The following GPC4 variants were observed in gnomAD, a reference collection of about 807,000 sequenced individuals.
GPC4 encodes glypican-4.
A neutral mutation model predicts 35.0 loss-of-function variants in GPC4; 10 were observed. The observed-to-expected ratio is 0.29, with a 90% confidence interval of 0.18 to 0.48. GPC4 has a LOEUF of 0.48. GPC4 is among the 20% of genes least tolerant of loss of function. The pLI is 0.99. For synonymous variants in GPC4, 167 were observed against 170.2 expected, an observed-to-expected ratio of 0.98 and a Z score of 0.15; for missense variants, 322 against 451.3, an observed-to-expected ratio of 0.71 and a Z score of 2.60.
intron 1 of GPC4, among the ~76,000 whole-genome samples, chrX:133,408,718 G>A (rs1211882517): frequency 1.8e-5 from 2 of 110,890 alleles, no homozygotes; most frequent in African/African-American, 6.6e-5. Context: ...GGCAACAAGA[G>A]CGAAACTCTG....
chrX:133,353,366 C>T (rs2068525242), intron 1 of GPC4, among the ~76,000 whole-genome samples: 1 of 112,025 alleles, frequency 8.9e-6, no homozygotes, highest in African/African-American at 3.2e-5. Flanking sequence ...GTCACAGGAC[C>T]TAAGAGAAAC....
At chrX:133,408,079 G>A (rs1006759264) in intron 1 of GPC4, among the ~76,000 whole-genome samples, 1 of 112,517 alleles carries the variant, frequency 8.9e-6, no homozygotes, top group Non-Finnish European at 1.9e-5. Flanking sequence ...AAATGCATCA[G>A]AACTTAAACA....
At chrX:133,325,103 A>G (rs1487601440) in intron 2 of GPC4, among the ~76,000 whole-genome samples, 1 of 111,249 alleles carries the variant, frequency 9.0e-6, no homozygotes, top group African/African-American at 3.3e-5. Flanking sequence ...AAAAAACATA[A>G]TCAAACACCC....
chrX:133,323,341 G>A (rs1406469098), intron 3 of GPC4, among the ~76,000 whole-genome samples: 3 of 111,375 alleles, frequency 2.7e-5, no homozygotes, highest in Non-Finnish European at 3.8e-5. Flanking sequence ...TTAGCCAGGC[G>A]TGCTGGCACA....
At chrX:133,402,996 G>A (rs1423285248) in intron 1 of GPC4, among the ~76,000 whole-genome samples, 2 of 109,690 alleles carry the variant, frequency 1.8e-5, no homozygotes, top group African/African-American at 3.3e-5. Context: ...GACAGCGTAA[G>A]AAGTAGCAAC....
rs551868526 is a variant in GPC4, at chrX:133,363,930, T to C, written c.161-24589A>G. The stretch of plus-strand genomic sequence containing the variant: ...TGTACATTTCACATAAAAAGATTCA[T>C]GCATATTGTAATCTTTCTGAACTGG... On this transcript the variant is annotated intron_variant, in intron 1 of 8. Coordinates refer to ENST00000370828, the MANE Select transcript of GPC4 (RefSeq NM_001448.3). Among the ~76,000 whole-genome samples, 20 of 112,382 alleles carry C rather than the reference T, an allele frequency of 1.8e-4. No individual in the cohort carries two copies. In the South Asian group the frequency reaches 7.1e-3, roughly 40 times the overall value.
intron 2 of GPC4, among the ~76,000 whole-genome samples, chrX:133,326,985 T>C (rs2068396886): frequency 8.9e-6 from 1 of 112,818 alleles, no homozygotes; most frequent in South Asian, 3.6e-4. Context: ...TGCGTTATTA[T>C]ATGACCAGTG....
At chrX:133,364,059 C>T (rs113840574) in intron 1 of GPC4, among the ~76,000 whole-genome samples, 7 of 111,863 alleles carry the variant, frequency 6.3e-5, no homozygotes, top group African/African-American at 2.3e-4. Context: ...CATGGGTATG[C>T]CACATTTTGT....
At chrX:133,375,153 C>A (rs1051115665) in intron 1 of GPC4, among the ~76,000 whole-genome samples, 8 of 111,791 alleles carry the variant, frequency 7.2e-5, no homozygotes, top group Admixed American at 1.9e-4. Context: ...TGAAATTCTG[C>A]CAACATTTGC....
chrX:133,351,824 C>A (rs902549581), intron 1 of GPC4, among the ~76,000 whole-genome samples: 7 of 112,196 alleles, frequency 6.2e-5, no homozygotes, highest in Non-Finnish European at 1.3e-4. Flanking sequence ...ACATTTTCCC[C>A]AAGTCTAAGT....
At chrX:133,350,592 C>G (rs747767203) in intron 1 of GPC4, among the ~76,000 whole-genome samples, 3 of 111,587 alleles carry the variant, frequency 2.7e-5, no homozygotes, top group Non-Finnish European at 3.8e-5. Context: ...TCCATGCAAA[C>G]CATTCCTCAA....
intron 2 of GPC4, among the ~76,000 whole-genome samples, chrX:133,335,119 C>T (rs1224587641): frequency 9.0e-6 from 1 of 111,229 alleles, no homozygotes; most frequent in African/African-American, 3.3e-5. Context: ...TCCCTAACTC[C>T]CTCCTGAATT....
intron 1 of GPC4, among the ~76,000 whole-genome samples, chrX:133,343,865 CT>C (rs371194052): frequency 2.7e-5 from 3 of 109,568 alleles, no homozygotes; most frequent in African/African-American, 6.6e-5. Flanking sequence ...TGTATTGGTT[CT>C]TTTTTTTTGA....
intron 3 of GPC4, among the ~76,000 whole-genome samples, chrX:133,320,660 A>C (rs1012314302): frequency 3.7e-5 from 4 of 108,540 alleles, no homozygotes; most frequent in Non-Finnish European, 7.6e-5. Context: ...AATTTCTCAA[A>C]GAATTTAACA....
intron 1 of GPC4, among the ~76,000 whole-genome samples, chrX:133,405,281 GC>G (rs1482308635): frequency 1.6e-4 from 18 of 110,175 alleles, no homozygotes; most frequent in African/African-American, 5.9e-4. Flanking sequence ...GCTAATTTTG[GC>G]ATTTTTAGTA....
intron 1 of GPC4, among the ~76,000 whole-genome samples, chrX:133,357,700 A>G (rs1019277396): frequency 9.0e-6 from 1 of 111,080 alleles, no homozygotes; most frequent in African/African-American, 3.3e-5. Flanking sequence ...GTTGCTTACC[A>G]ACTGTGCAAT....
At chrX:133,357,433 G>A (rs1361101005) in intron 1 of GPC4, among the ~76,000 whole-genome samples, 1 of 106,218 alleles carries the variant, frequency 9.4e-6, no homozygotes, top group Non-Finnish European at 1.9e-5. Context: ...TGTCACCCAC[G>A]CTGGAGTGCA....
At chrX:133,406,921 A>G (rs2068790675) in intron 1 of GPC4, among the ~76,000 whole-genome samples, 1 of 109,770 alleles carries the variant, frequency 9.1e-6, no homozygotes, top group Non-Finnish European at 1.9e-5. Flanking sequence ...CTAAACATAC[A>G]AAAAACCAGC....
At chrX:133,398,456 T>G (rs2068753884) in intron 1 of GPC4, among the ~76,000 whole-genome samples, 1 of 111,813 alleles carries the variant, frequency 8.9e-6, no homozygotes, top group Non-Finnish European at 1.9e-5. Context: ...ACTTTGAATT[T>G]CTGAACAAAC....
Sources: gnomAD v4.1 joint callset for allele counts (sites outside exome capture counted in the v4.1 genomes callset) on GRCh38, gnomAD v4.1.1 for gene constraint, MANE v1.5 for transcripts, NCBI Gene and HGNC (gene_info 2026-07-23, HGNC 2026-07-21) for gene names.